The following ONECUT2 variants were observed in gnomAD, a reference collection of about 807,000 sequenced individuals.
The protein encoded by ONECUT2 is one cut homeobox 2.
ONECUT2 carries 10 observed loss-of-function variants against 27.9 expected under a neutral mutation model. The observed-to-expected ratio is 0.36, with a 90% CI of 0.22 to 0.61. The LOEUF (loss-of-function observed/expected upper bound fraction) is 0.61, where lower values mean the gene tolerates loss of function less well. Among genes scored for constraint, ONECUT2 ranks in the 20% least tolerant of loss-of-function variants. The pLI, the probability that ONECUT2 is intolerant of heterozygous loss-of-function variation, is 0.73. For synonymous variants in ONECUT2, 334 were observed against 315.1 expected, an observed-to-expected ratio of 1.06 and a Z score of -0.64; for missense variants, 686 against 721.0, an observed-to-expected ratio of 0.95 and a Z score of 0.56.
intron 1 of ONECUT2, among the ~76,000 whole-genome samples, chr18:57,472,917 G>T (rs2050361860): frequency 6.6e-6 from 1 of 152,180 alleles, no homozygotes; most frequent in South Asian, 2.1e-4. Flanking sequence ...GTTTGCAGAA[G>T]ATATTTGCCT....
chr18:57,437,011 C>T, intron 1 of ONECUT2, 67 bp downstream of exon 1: 1 of 1,496,088 alleles, frequency 6.7e-7, no homozygotes, highest in Admixed American at 2.2e-5. Flanking sequence ...GCTTGTGGCC[C>T]AAGTCTGCGC....
Position 57,436,810 on chromosome 18 carries a change from A to C in ONECUT2, c.1094A>C (p.Gln365Pro). ...GCGCAGAGGGTGCTGTGCCGGTCTC[A>C]GGGGACTCTCTCCGACCTGCTCCGG... ...IFAQRVLCRSQGTLSDLLRNP... is the reference protein window; with the variant it reads ...IFAQRVLCRSPGTLSDLLRNP... The change falls in exon 1 of 2, where the codon CAG (glutamine) becomes CCG (proline). Residue 365 changes from glutamine to proline, a missense_variant. Gln to Pro is a moderately conservative substitution (Grantham distance 76). Coordinates refer to ENST00000491143, the MANE Select transcript of ONECUT2 (RefSeq NM_004852.3). This position sits in a 1 kb window ranked among gnomAD's most constrained non-coding sequence, Gnocchi z 5.9. 1 of 1,614,000 alleles carries C rather than the reference A, an allele frequency of 6.2e-7. No individual in the cohort carries two copies. Among genetic ancestry groups the C allele is most frequent in the Non-Finnish European group, 8.5e-7 (1 of 1,180,042 alleles).
chr18:57,469,498 T>C (rs1232845230), intron 1 of ONECUT2, among the ~76,000 whole-genome samples: 1 of 152,232 alleles, frequency 6.6e-6, no homozygotes, highest in Non-Finnish European at 1.5e-5. Context: ...CATCAATGTA[T>C]TTGGACATAA....
chr18:57,447,223 C>T (rs2050204696), intron 1 of ONECUT2, among the ~76,000 whole-genome samples: 1 of 152,248 alleles, frequency 6.6e-6, no homozygotes, highest in African/African-American at 2.4e-5. Context: ...CTGCCTGGAG[C>T]CCCTGGTAGC....
chr18:57,453,040 A>G lies in ONECUT2; in HGVS notation c.1228+16096A>G, dbSNP rs553750992. 2.6e-3 allele frequency among the ~76,000 whole-genome samples: 399 copies of G among 152,350 alleles called. 2 individuals are homozygous for G. The highest frequency in any genetic ancestry group is 4.5e-3 in the Non-Finnish European group (304 of 68,040). ...TGGAGCATACTTTTTTAAAAATCAT[A>G]AGCAGTGTTAAAAAATACTTGACAG... is the stretch of plus-strand genomic sequence containing the variant. On this transcript the variant is annotated intron_variant, in intron 1 of 1. Coordinates refer to ENST00000491143, the MANE Select transcript of ONECUT2 (RefSeq NM_004852.3).
Position 57,468,360 on chromosome 18 carries a change from A to C in ONECUT2, c.1229-8077A>C, listed in dbSNP as rs562532902. On this transcript the variant is annotated intron_variant, in intron 1 of 1. Coordinates refer to ENST00000491143, the MANE Select transcript of ONECUT2 (RefSeq NM_004852.3). ...CGTTTGGAGAAATGAGGGCCAAGTT[A>C]GAGTTTAGTTCTAGAGGTGGTTGGG... 4.6e-5 allele frequency among the ~76,000 whole-genome samples: 7 copies of C among 152,288 alleles called. No homozygotes were observed. In the East Asian group the frequency reaches 1.3e-3, roughly 29 times the overall value.
chr18:57,462,042 C>G (rs1474205494), intron 1 of ONECUT2, among the ~76,000 whole-genome samples: 1 of 152,230 alleles, frequency 6.6e-6, no homozygotes, highest in Non-Finnish European at 1.5e-5. Flanking sequence ...GCCCTCCCAC[C>G]AGCAGCCTAG....
Position 57,436,224 on chromosome 18 carries a change from C to T in ONECUT2, c.508C>T (p.Pro170Ser). The T allele has an allele frequency of 6.2e-7, 1 of 1,604,552 alleles. No homozygotes were observed. Among genetic ancestry groups the T allele is most frequent in the Non-Finnish European group, 8.5e-7 (1 of 1,177,750 alleles). ...ISTVSDKFHH[P>S]HPHHHPHHHH... Reference sequence around the variant, plus strand: ...CACCGTGTCTGACAAGTTCCACCACCCTCACCCGCACCACCATCCGCACCA... The same window carrying T: ...CACCGTGTCTGACAAGTTCCACCACTCTCACCCGCACCACCATCCGCACCA... Residue 170 changes from proline to serine, a missense_variant, in exon 1 of 2, where the codon CCT becomes TCT. Pro to Ser is a moderately conservative substitution (Grantham distance 74). Transcript: ENST00000491143. The surrounding 1 kb of genome is among the most constrained non-coding windows in gnomAD (Gnocchi z 5.9).
At chr18:57,448,484 A>C (rs1357844496) in intron 1 of ONECUT2, among the ~76,000 whole-genome samples, 2 of 152,374 alleles carry the variant, frequency 1.3e-5, no homozygotes, top group East Asian at 3.9e-4. Flanking sequence ...TGTTCTAAAA[A>C]TGAGCAGGAA....
chr18:57,459,201 TAAAG>T (rs2050276667), intron 1 of ONECUT2, among the ~76,000 whole-genome samples: 1 of 152,056 alleles, frequency 6.6e-6, no homozygotes, highest in Admixed American at 6.6e-5. Flanking sequence ...ACTTCACCCA[TAAAG>T]ACACACATCG....
At chr18:57,470,048 A>G (rs2050344837) in intron 1 of ONECUT2, among the ~76,000 whole-genome samples, 1 of 152,232 alleles carries the variant, frequency 6.6e-6, no homozygotes, top group African/African-American at 2.4e-5. Flanking sequence ...AAAACACAGA[A>G]CCACAGCATG....
intron 1 of ONECUT2, among the ~76,000 whole-genome samples, chr18:57,443,872 A>T (rs143856377): frequency 1.2e-3 from 189 of 152,288 alleles, no homozygotes; most frequent in African/African-American, 4.5e-3. Flanking sequence ...CACCTCTTTC[A>T]CCATTTGAGG....
At chr18:57,461,480 C>A (rs1163366320) in intron 1 of ONECUT2, among the ~76,000 whole-genome samples, 1 of 152,112 alleles carries the variant, frequency 6.6e-6, no homozygotes, top group Non-Finnish European at 1.5e-5. Context: ...CAGAAGCAAA[C>A]CCTAAAACAA....
In ONECUT2 at chr18:57,436,151, C is replaced by T. The variant is rs773122978; in HGVS notation, c.435C>T (p.Ser145=). 1 of 1,605,662 alleles carries T rather than the reference C, an allele frequency of 6.2e-7. No homozygotes were observed. Among genetic ancestry groups the T allele is most frequent in the East Asian group, 2.2e-5 (1 of 44,840 alleles). Residue 145 remains serine (S), a synonymous_variant, in exon 1 of 2, where the codon AGC becomes AGT. Transcript: ENST00000491143. The surrounding 1 kb of genome is among the most constrained non-coding windows in gnomAD (Gnocchi z 5.9). ...CDSSPPGMGM[S]NTYTTLTPLQ... Reference sequence around the variant, plus strand: ...CGTCTCCGCCTGGCATGGGCATGAGCAACACCTACACCACGCTGACACCGC... The same window carrying T: ...CGTCTCCGCCTGGCATGGGCATGAGTAACACCTACACCACGCTGACACCGC...
chr18:57,479,086 T>C lies in ONECUT2; in HGVS notation c.*2363T>C, dbSNP rs1463757923. On this transcript the variant is annotated 3_prime_UTR_variant, in exon 2 of 2. Transcript: ENST00000491143. Reference sequence around the variant, plus strand: ...TAACCCTTAGACTTGGTTCCTTCTATGTTCAGAGTCTCATCATCAGGGGAA... The same window carrying C: ...TAACCCTTAGACTTGGTTCCTTCTACGTTCAGAGTCTCATCATCAGGGGAA... 6.6e-6 allele frequency: 1 copy of C among 152,534 alleles called. No individual in the cohort carries two copies. Among genetic ancestry groups the C allele is most frequent in the African/African-American group, 2.4e-5 (1 of 41,420 alleles). The allele number at this position is 152,534 out of a possible 1,614,324, so 9.4% of individuals were successfully genotyped here. A position where few individuals can be genotyped will look rare whatever the true frequency, so the allele number is the denominator to read the frequency against.
chr18:57,452,298 G>A (rs1331578473), intron 1 of ONECUT2, among the ~76,000 whole-genome samples: 1 of 152,184 alleles, frequency 6.6e-6, no homozygotes, highest in East Asian at 1.9e-4. Flanking sequence ...CTAACACATA[G>A]TTTGCACTTA....
rs199690642 is a variant in ONECUT2 at position 57,442,243 on chromosome 18, GGTT to G, written c.1228+5300_1228+5302del. On this transcript the variant is annotated intron_variant, in intron 1 of 1. Coordinates refer to ENST00000491143, the MANE Select transcript of ONECUT2 (RefSeq NM_004852.3). ...AGTAGGATGAGAACTAATTCTTCTG[GGTT>G]TTTTTTTTTTTTTTTTGAAATTATG... 5.0e-4 allele frequency among the ~76,000 whole-genome samples: 64 copies of G among 127,498 alleles called. 1 individual carries two copies. Among genetic ancestry groups the G allele is most frequent in the Admixed American group, 9.7e-4 (13 of 13,426 alleles). The allele number at this position is 127,498 out of a possible 152,430, so 83.6% of individuals were successfully genotyped here. A position where few individuals can be genotyped will look rare whatever the true frequency, so the allele number is the denominator to read the frequency against.
At chr18:57,437,910 G>A (rs2050151997) in intron 1 of ONECUT2, among the ~76,000 whole-genome samples, 1 of 152,224 alleles carries the variant, frequency 6.6e-6, no homozygotes, top group African/African-American at 2.4e-5. Flanking sequence ...TGCATTAAGC[G>A]GGCGCTGATT....
Position 57,476,771 on chromosome 18 carries a change from A to G in ONECUT2, c.*48A>G. The G allele has an allele frequency of 6.4e-7, 1 of 1,570,700 alleles. No individual in the cohort carries two copies. The highest frequency in any genetic ancestry group is 8.6e-7 in the Non-Finnish European group (1 of 1,159,948). ...CAAGTCACCTCCAAATGAGGACAACAGATACCAAAAGAAAACAAAGGAAAA... is the reference window on the plus strand; with the variant it reads ...CAAGTCACCTCCAAATGAGGACAACGGATACCAAAAGAAAACAAAGGAAAA... On this transcript the variant is annotated 3_prime_UTR_variant, in exon 2 of 2. Transcript: ENST00000491143.
Sources: allele counts gnomAD v4.1 joint callset (sites outside exome capture counted in the v4.1 genomes callset), GRCh38; gene constraint gnomAD v4.1.1; non-coding constraint Gnocchi (gnomAD v3.1); transcripts MANE v1.5; gene names NCBI Gene and HGNC (gene_info 2026-07-23, HGNC 2026-07-21).